Variants in FHIT observed in about 807,000 individuals in gnomAD.
FHIT encodes the protein bis(5'-adenosyl)-triphosphatase.
Under a neutral mutation model 17.9 loss-of-function variants are expected in FHIT, and 19 were observed. That is an observed-to-expected ratio of 1.06 (90% CI 0.74 to 1.56). The LOEUF (loss-of-function observed/expected upper bound fraction) is 1.56. FHIT is among the 40% of genes most tolerant of loss of function. FHIT has a pLI of 0.00. For synonymous variants in FHIT, 81 were observed against 69.7 expected (o/e 1.16, Z -0.81); for missense variants, 248 against 189.2 (o/e 1.31, Z -1.82).
intron 3 of FHIT, among the ~76,000 whole-genome samples, chr3:60,841,598 T>C (rs1324754175): frequency 1.3e-5 from 2 of 152,224 alleles, no homozygotes; most frequent in Admixed American, 1.3e-4. Context: ...TATTTTACTG[T>C]CAGAAACCTG....
chr3:60,813,020 T>C (rs558486813), intron 4 of FHIT, among the ~76,000 whole-genome samples: 26 of 152,058 alleles, frequency 1.7e-4, no homozygotes, highest in Non-Finnish European at 2.9e-4. Context: ...GCCATTGTCA[T>C]GGTATGGAGA....
intron 2 of FHIT, among the ~76,000 whole-genome samples, chr3:61,096,555 T>A (rs1235573297): frequency 3.3e-5 from 5 of 152,092 alleles, no homozygotes; most frequent in African/African-American, 1.2e-4. Context: ...TTTCCACTTG[T>A]GGAATGGAAA....
At chr3:61,215,321 T>C (rs555739186) in intron 1 of FHIT, among the ~76,000 whole-genome samples, 1 of 152,030 alleles carries the variant, frequency 6.6e-6, no homozygotes, top group Admixed American at 6.5e-5. Flanking sequence ...AGTCTCAGGA[T>C]ACAAAATCAA....
At chr3:61,213,981 A>G (rs966032501) in intron 1 of FHIT, among the ~76,000 whole-genome samples, 4 of 152,232 alleles carry the variant, frequency 2.6e-5, no homozygotes, top group African/African-American at 9.6e-5. Context: ...ACAACATACC[A>G]GAATCTCTGG....
chr3:60,278,976 C>T (rs1157529309), intron 5 of FHIT, among the ~76,000 whole-genome samples: 1 of 151,552 alleles, frequency 6.6e-6, no homozygotes, highest in African/African-American at 2.4e-5. Flanking sequence ...TGTTAGAAAC[C>T]CACAGAAAGA....
chr3:60,068,717 C>T (rs75574149), intron 5 of FHIT, among the ~76,000 whole-genome samples: 7,122 of 152,238 alleles, frequency 0.047, 244 homozygotes, highest in South Asian at 0.092. Flanking sequence ...AAATAAAAAG[C>T]TGCCAAGTAA....
intron 5 of FHIT, among the ~76,000 whole-genome samples, chr3:60,100,176 C>T (rs771280788): frequency 2.0e-5 from 3 of 152,020 alleles, no homozygotes; most frequent in Non-Finnish European, 1.5e-5. Flanking sequence ...GTCAGGAGTT[C>T]GAGACCAGCC....
chr3:60,334,393 G>C (rs1431519398), intron 5 of FHIT, among the ~76,000 whole-genome samples: 1 of 152,156 alleles, frequency 6.6e-6, no homozygotes, highest in Non-Finnish European at 1.5e-5. Flanking sequence ...TAATACAAGA[G>C]TCTCTAGACT....
intron 5 of FHIT, chr3:60,536,019 T>C (rs1361452444): frequency 1.3e-5 from 2 of 152,136 alleles, no homozygotes; most frequent in African/African-American, 4.8e-5. Flanking sequence ...TCTGAAAATA[T>C]CAAATTTTAT....
At chr3:61,067,740 AG>A (rs1344200165) in intron 2 of FHIT, among the ~76,000 whole-genome samples, 1 of 152,158 alleles carries the variant, frequency 6.6e-6, no homozygotes, top group East Asian at 1.9e-4. Flanking sequence ...GTGCTTCAAA[AG>A]CTCCAAGGTT....
intron 5 of FHIT, among the ~76,000 whole-genome samples, chr3:60,137,244 T>G (rs1576181130): frequency 6.6e-6 from 1 of 152,248 alleles, no homozygotes; most frequent in African/African-American, 2.4e-5. Context: ...CAGAACCACC[T>G]TGGAAGAATA....
intron 5 of FHIT, among the ~76,000 whole-genome samples, chr3:60,206,086 T>C (rs1183689685): frequency 1.3e-5 from 2 of 149,716 alleles, no homozygotes; most frequent in Admixed American, 6.6e-5. Context: ...TGAGCCGAGA[T>C]TGAGCCACTG....
chr3:60,316,352 A>G (rs1380916748), intron 5 of FHIT, among the ~76,000 whole-genome samples: 2 of 152,232 alleles, frequency 1.3e-5, no homozygotes, highest in Non-Finnish European at 2.9e-5. Flanking sequence ...CTTTATAAAA[A>G]CATGACAGTA....
At chr3:59,767,046 A>G (rs1020222908) in intron 8 of FHIT, among the ~76,000 whole-genome samples, 1 of 152,172 alleles carries the variant, frequency 6.6e-6, no homozygotes, top group Admixed American at 6.5e-5. Context: ...CAGATGCAAA[A>G]CAACCCCGAT....
At chr3:61,202,264 G>C (rs1237794903) in intron 1 of FHIT, among the ~76,000 whole-genome samples, 1 of 149,812 alleles carries the variant, frequency 6.7e-6, no homozygotes, top group South Asian at 2.1e-4. Flanking sequence ...CAACTATCTG[G>C]GAAGTGAGGG....
intron 5 of FHIT, among the ~76,000 whole-genome samples, chr3:60,066,683 G>A (rs931443450): frequency 1.3e-5 from 1 of 75,300 alleles, no homozygotes; most frequent in Non-Finnish European, 2.6e-5. Context: ...TTGAGATGGA[G>A]TCTTGCTCTG....
intron 1 of FHIT, among the ~76,000 whole-genome samples, chr3:61,211,035 G>A (rs527729048): frequency 4.2e-4 from 64 of 152,080 alleles, no homozygotes; most frequent in African/African-American, 7.9e-4. Context: ...CAAGATGGCC[G>A]AATAGAAACA....
At chr3:60,071,636 T>A (rs1702776044) in intron 5 of FHIT, among the ~76,000 whole-genome samples, 1 of 152,196 alleles carries the variant, frequency 6.6e-6, no homozygotes, top group African/African-American at 2.4e-5. Flanking sequence ...TGCAGCAAAG[T>A]TAGCCAAAAT....
intron 5 of FHIT, among the ~76,000 whole-genome samples, chr3:60,051,606 G>A (rs567094385): frequency 1.3e-5 from 2 of 152,150 alleles, no homozygotes; most frequent in South Asian, 4.2e-4. Flanking sequence ...ACCCTCAACT[G>A]CTATTAACTG....
Sources: allele counts gnomAD v4.1 joint callset (sites outside exome capture counted in the v4.1 genomes callset), GRCh38; gene constraint gnomAD v4.1.1; transcripts MANE v1.5; gene names NCBI Gene and HGNC (gene_info 2026-07-23, HGNC 2026-07-21).